ADAM2: variants seen among roughly 807,000 people sequenced by gnomAD.
ADAM2 encodes ADAM metallopeptidase domain 2.
Under a neutral mutation model 99.3 loss-of-function variants are expected in ADAM2, and 101 were observed. That is an observed-to-expected ratio of 1.02 (90% CI 0.87 to 1.20). The LOEUF is 1.20. Ranked by LOEUF, ADAM2 falls within the 50% of genes most tolerant of loss-of-function variation. The pLI is 0.00. For missense variants in ADAM2, 948 were observed against 878.7 expected (o/e 1.08, Z -1.00); for synonymous variants, 323 against 287.6 (o/e 1.12, Z -1.25).
intron 13 of ADAM2, 54 bp from the exon 14 acceptor site, chr8:39,767,097 A>G (rs1449489507): frequency 1.3e-6 from 2 of 1,599,914 alleles, no homozygotes; most frequent in Middle Eastern, 1.7e-4. Flanking sequence ...ATACATAAGC[A>G]TAATAATGAT....
intron 6 of ADAM2, 63 bp from the exon 7 acceptor site, chr8:39,809,529 T>C (rs1487711842): frequency 2.7e-6 from 2 of 746,760 alleles, no homozygotes; most frequent in Non-Finnish European, 4.7e-6. Flanking sequence ...TTAGTGCATG[T>C]CACTACTATT....
intron 3 of ADAM2, 58 bp from the exon 4 acceptor site, chr8:39,824,955 T>G (rs1805342030): frequency 2.6e-6 from 2 of 778,102 alleles, no homozygotes; most frequent in Non-Finnish European, 4.4e-6. Flanking sequence ...TTTGAAACAT[T>G]TATTTTATTA....
intron 10 of ADAM2, among the ~76,000 whole-genome samples, chr8:39,781,510 G>C (rs538101040): frequency 1.7e-4 from 26 of 152,016 alleles, no homozygotes; most frequent in Non-Finnish European, 2.6e-4. Context: ...TTTCTGGCTA[G>C]TTTTTCTAAA....
intron 11 of ADAM2, among the ~76,000 whole-genome samples, chr8:39,771,292 T>A (rs1479034670): frequency 6.6e-6 from 1 of 152,346 alleles, no homozygotes; most frequent in Non-Finnish European, 1.5e-5. Flanking sequence ...ACTTTAAAAA[T>A]ACCGCTTCCT....
At chr8:39,791,496 G>A (rs1803710974) in intron 7 of ADAM2, among the ~76,000 whole-genome samples, 5 of 152,042 alleles carry the variant, frequency 3.3e-5, no homozygotes, top group Admixed American at 2.6e-4. Context: ...CTGAAGGAGG[G>A]TTGTGGCTAT....
chr8:39,778,554 GAGGTACTGCAA>G (rs1314921573), intron 10 of ADAM2, among the ~76,000 whole-genome samples: 2 of 152,016 alleles, frequency 1.3e-5, no homozygotes, highest in Admixed American at 6.6e-5. Context: ...TACTTGTGTG[GAGGTACTGCAA>G]AGGCTCTACA....
At position 39,767,049 on chromosome 8, in the gene ADAM2, G is replaced by A; in HGVS notation, c.1312-6C>T. 1 of 1,612,308 alleles carries A rather than the reference G, an allele frequency of 6.2e-7. No individual in the cohort carries two copies. The highest frequency in any genetic ancestry group is 1.1e-5 in the South Asian group (1 of 91,030). On this transcript the variant is annotated splice_region_variant and splice_polypyrimidine_tract_variant and intron_variant, in intron 13 of 20. Transcript: ENST00000265708. ...ATTCTTTCTTTTGACATAAACTGAT[G>A]GGATGAGGTAAATGATATTGAATTA...
chr8:39,795,140 T>G (rs1261823029), intron 7 of ADAM2, among the ~76,000 whole-genome samples: 1 of 152,130 alleles, frequency 6.6e-6, no homozygotes, highest in African/African-American at 2.4e-5. Context: ...TCTAGATCAT[T>G]TTCAAATAAG....
chr8:39,830,828 A>AATT (rs1275539917), intron 3 of ADAM2, among the ~76,000 whole-genome samples: 1 of 152,138 alleles, frequency 6.6e-6, no homozygotes, highest in African/African-American at 2.4e-5. Flanking sequence ...TTCATCCCAG[A>AATT]ATTTATATTT....
chr8:39,780,261 T>TC (rs1803163052), intron 10 of ADAM2, among the ~76,000 whole-genome samples: 1 of 151,864 alleles, frequency 6.6e-6, no homozygotes, highest in Non-Finnish European at 1.5e-5. Context: ...ATTCAATACC[T>TC]CCCACCGGGT....
chr8:39,828,307 G>C (rs890261020), intron 3 of ADAM2, among the ~76,000 whole-genome samples: 3 of 151,650 alleles, frequency 2.0e-5, no homozygotes, highest in Admixed American at 2.0e-4. Context: ...GAGGGTAAAG[G>C]GTGTTAGAGA....
chr8:39,805,577 C>T (rs1439325447), intron 7 of ADAM2, among the ~76,000 whole-genome samples: 1 of 152,014 alleles, frequency 6.6e-6, no homozygotes, highest in Non-Finnish European at 1.5e-5. Context: ...ACTATTAATG[C>T]TATGGTAAAA....
At chr8:39,824,538 T>C (rs2129588502) in intron 4 of ADAM2, among the ~76,000 whole-genome samples, 1 of 152,284 alleles carries the variant, frequency 6.6e-6, no homozygotes, top group Non-Finnish European at 1.5e-5. Context: ...GGTTTTTCAT[T>C]TTACATATTT....
chr8:39,767,896 T>TCACACACACACACACACA (rs57655234), intron 12 of ADAM2, among the ~76,000 whole-genome samples: 34 of 147,888 alleles, frequency 2.3e-4, no homozygotes, highest in African/African-American at 6.4e-4. Flanking sequence ...GACAATGCAT[T>TCACACACACACACACACA]CACACACACA....
chr8:39,832,450 CT>C (rs1805655095), intron 3 of ADAM2, among the ~76,000 whole-genome samples: 1 of 152,172 alleles, frequency 6.6e-6, no homozygotes, highest in Non-Finnish European at 1.5e-5. Context: ...ACACTTTATG[CT>C]GTCCCATCCC....
intron 2 of ADAM2, among the ~76,000 whole-genome samples, chr8:39,835,414 G>C (rs1398763278): frequency 6.6e-6 from 1 of 151,972 alleles, no homozygotes; most frequent in Admixed American, 6.6e-5. Flanking sequence ...GCCATGTGCG[G>C]TGGCTCACGC....
rs1331056586 is a variant in ADAM2 at position 39,788,686 on chromosome 8, T to A, written c.625A>T (p.Ile209Phe). Residue 209 changes from isoleucine to phenylalanine, a missense_variant, in exon 8 of 21, where the codon ATT (isoleucine) becomes TTT (phenylalanine). By Grantham distance (21) the Ile-to-Phe change is conservative. Coordinates refer to ENST00000265708, the MANE Select transcript of ADAM2 (RefSeq NM_001464.5). ...AGACTTACAGCATTCGTCAATCCAA[T>A]CAACTGGAAAACTTTTTGAGCGACA... ...TVVAQKVFQL[I>F]GLTNAIFVSF... The A allele has an allele frequency of 6.3e-7, 1 of 1,581,408 alleles. No individual in the cohort carries two copies. Among genetic ancestry groups the A allele is most frequent in the Non-Finnish European group, 8.6e-7 (1 of 1,161,850 alleles).
At chr8:39,763,226 A>T (rs1320687888) in intron 14 of ADAM2, among the ~76,000 whole-genome samples, 5 of 152,100 alleles carry the variant, frequency 3.3e-5, no homozygotes, top group Non-Finnish European at 7.4e-5. Flanking sequence ...AAAAATGAAT[A>T]AAAAAAATCT....
intron 16 of ADAM2, among the ~76,000 whole-genome samples, chr8:39,752,431 G>A (rs748663685): frequency 1.3e-5 from 2 of 152,164 alleles, no homozygotes; most frequent in Non-Finnish European, 2.9e-5. Flanking sequence ...TGGCATTTTT[G>A]TCTGAATGAG....
Sources: allele counts gnomAD v4.1 joint callset (sites outside exome capture counted in the v4.1 genomes callset), GRCh38; gene constraint gnomAD v4.1.1; transcripts MANE v1.5; gene names NCBI Gene and HGNC (gene_info 2026-07-23, HGNC 2026-07-21).